SVEP1: variants seen among roughly 807,000 people sequenced by gnomAD.
The protein encoded by SVEP1 is sushi, von Willebrand factor type A, EGF and pentraxin domain-containing protein 1.
In SVEP1, 164 loss-of-function variants were observed where a neutral mutation model predicts 367.3. That is an observed-to-expected ratio of 0.45 (90% CI 0.39 to 0.51). The LOEUF is 0.51. Among genes scored for constraint, SVEP1 ranks in the 20% least tolerant of loss-of-function variants. The probability of loss-of-function intolerance (pLI) is 0.00; values close to 1 mark genes in which losing one functional copy is unlikely to be tolerated. For missense variants in SVEP1, 4,117 were observed against 4,425.3 expected (o/e 0.93, Z 1.98); for synonymous variants, 1,666 against 1,611.6 (o/e 1.03, Z -0.81).
intron 36 of SVEP1, among the ~76,000 whole-genome samples, chr9:110,416,740 G>T (rs534598901): frequency 6.6e-6 from 1 of 152,040 alleles, no homozygotes; most frequent in South Asian, 2.1e-4. Context: ...ACAAAGACAA[G>T]TTTTTAAAAA....
At chr9:110,493,823 T>A (rs1829406329) in intron 8 of SVEP1, among the ~76,000 whole-genome samples, 1 of 152,154 alleles carries the variant, frequency 6.6e-6, no homozygotes, top group Admixed American at 6.6e-5. Context: ...TGATGGGTCT[T>A]ACAGGGTTGA....
At chr9:110,379,265 T>C in intron 44 of SVEP1, 82 bp downstream of exon 44, 1 of 1,447,032 alleles carries the variant, frequency 6.9e-7, no homozygotes, top group Non-Finnish European at 9.4e-7. Context: ...GTAGTATGCA[T>C]ATTAATTGCT....
At chr9:110,500,718 AT>A (rs567420472) in intron 6 of SVEP1, among the ~76,000 whole-genome samples, 2,382 of 152,078 alleles carry the variant, frequency 0.016, 34 homozygotes, top group Middle Eastern at 0.027. Flanking sequence ...AGTTAAATAA[AT>A]TTTTTTTCCC....
At chr9:110,443,025 A>G (rs1644881281) in intron 27 of SVEP1, 1 of 152,240 alleles carries the variant, frequency 6.6e-6, no homozygotes. Flanking sequence ...AGATGTATCC[A>G]GATAGAACAA....
chr9:110,456,456 C>A (rs1828777124), intron 21 of SVEP1, among the ~76,000 whole-genome samples: 1 of 152,114 alleles, frequency 6.6e-6, no homozygotes, highest in African/African-American at 2.4e-5. Flanking sequence ...TTATAAAAAT[C>A]CACAGAGACA....
intron 41 of SVEP1, among the ~76,000 whole-genome samples, chr9:110,387,692 G>A (rs1351045513): frequency 6.6e-6 from 1 of 152,114 alleles, no homozygotes. Context: ...CTGTCTTTAT[G>A]TATTATTAAT....
At position 110,483,547 on chromosome 9, in the gene SVEP1, A is replaced by T. The variant is rs191786036; in HGVS notation, c.2038+39T>A. On this transcript the variant is annotated intron_variant, in intron 10 of 47. Coordinates refer to ENST00000374469, the MANE Select transcript of SVEP1 (RefSeq NM_153366.4). Reference sequence around the variant, plus strand: ...AGCTTTTTAAAATAAAAAAGAATTCATTGCTACTATGCTGACAACAAAGTC... The same window carrying T: ...AGCTTTTTAAAATAAAAAAGAATTCTTTGCTACTATGCTGACAACAAAGTC... 2.1e-4 allele frequency: 303 copies of T among 1,463,648 alleles called. No homozygotes were observed. The East Asian group carries it at 6.3e-3, about 30-fold the overall frequency. The allele number at this position is 1,463,648 out of a possible 1,614,324, so 90.7% of individuals were successfully genotyped here.
chr9:110,491,590 G>GGGGTGTGTGTGT (rs76905358), intron 8 of SVEP1, among the ~76,000 whole-genome samples: 3,735 of 147,798 alleles, frequency 0.025, 152 homozygotes, highest in African/African-American at 0.088. Flanking sequence ...TATAGAATGG[G>GGGGTGTGTGTGT]GTGTGTGTGT....
intron 40 of SVEP1, among the ~76,000 whole-genome samples, chr9:110,394,664 G>C (rs1179330940): frequency 6.6e-6 from 1 of 152,232 alleles, no homozygotes; most frequent in East Asian, 1.9e-4. Context: ...TAAAGGACCT[G>C]ATGGAGCTGA....
At position 110,457,165 on chromosome 9, in the gene SVEP1, G is replaced by A. The variant is rs77917371; in HGVS notation, c.3673+91C>T. ...TTTACATGGTCTAATGTATCTTATCGGATATAGTTAATGTACTAAAGTTTG... is the reference window on the plus strand; with the variant it reads ...TTTACATGGTCTAATGTATCTTATCAGATATAGTTAATGTACTAAAGTTTG... On this transcript the variant is annotated intron_variant, in intron 21 of 47. Coordinates refer to ENST00000374469, the MANE Select transcript of SVEP1 (RefSeq NM_153366.4). The A allele has an allele frequency of 4.8e-3, 4,903 of 1,030,146 alleles. 19 individuals are homozygous for A. The highest frequency in any genetic ancestry group is 6.0e-3 in the Non-Finnish European group (4,373 of 723,744). The allele number at this position is 1,030,146 out of a possible 1,614,324, so 63.8% of individuals were successfully genotyped here.
intron 1 of SVEP1, among the ~76,000 whole-genome samples, chr9:110,564,070 A>C (rs758778573): frequency 1.6e-4 from 24 of 152,206 alleles, no homozygotes; most frequent in Non-Finnish European, 3.1e-4. Context: ...CATGGTCCTC[A>C]GTGAAAGTGG....
At chr9:110,504,294 T>C (rs1384239713) in intron 5 of SVEP1, among the ~76,000 whole-genome samples, 1 of 151,982 alleles carries the variant, frequency 6.6e-6, no homozygotes, top group Non-Finnish European at 1.5e-5. Context: ...TCTCCTGACC[T>C]TGTGATCCGC....
chr9:110,372,966 G>C (rs549348270), intron 46 of SVEP1, among the ~76,000 whole-genome samples: 5 of 152,304 alleles, frequency 3.3e-5, no homozygotes, highest in African/African-American at 4.8e-5. Context: ...AGTCTGGAGG[G>C]ACATGGAGAC....
intron 12 of SVEP1, among the ~76,000 whole-genome samples, chr9:110,480,639 A>AT (rs1006449637): frequency 1.1e-4 from 17 of 151,470 alleles, no homozygotes; most frequent in African/African-American, 2.9e-4. Flanking sequence ...TTTTTTCTCT[A>AT]TTTTTTTTGT....
chr9:110,430,889 G>A (rs1828340946), intron 32 of SVEP1, among the ~76,000 whole-genome samples: 1 of 152,132 alleles, frequency 6.6e-6, no homozygotes, highest in Non-Finnish European at 1.5e-5. Context: ...TAGAGTATGG[G>A]CTCTGGGCTC....
At chr9:110,427,126 T>C (rs934286565) in intron 36 of SVEP1, among the ~76,000 whole-genome samples, 50 of 151,824 alleles carry the variant, frequency 3.3e-4, no homozygotes, top group African/African-American at 1.2e-3. Flanking sequence ...GGTGAAACCC[T>C]GTCTCTACTA....
At chr9:110,572,767 G>T (rs35256602) in intron 1 of SVEP1, among the ~76,000 whole-genome samples, 20,376 of 125,208 alleles carry the variant, frequency 0.16, 2,069 homozygotes, top group East Asian at 0.45. Context: ...GGGTGACAGA[G>T]GGTGACCCTC....
At chr9:110,457,699 C>T (rs1232792732) in intron 20 of SVEP1, among the ~76,000 whole-genome samples, 2 of 152,194 alleles carry the variant, frequency 1.3e-5, no homozygotes, top group Non-Finnish European at 2.9e-5. Flanking sequence ...ACATTACTGT[C>T]TTAAAAACTT....
chr9:110,429,829 T>G, intron 34 of SVEP1, 91 bp downstream of exon 34: 1 of 1,067,348 alleles, frequency 9.4e-7, no homozygotes, highest in Non-Finnish European at 1.4e-6. Flanking sequence ...TCCTCTGCAA[T>G]TATTTTCCCA....
Sources: gnomAD v4.1 joint callset for allele counts (sites outside exome capture counted in the v4.1 genomes callset) on GRCh38, gnomAD v4.1.1 for gene constraint, MANE v1.5 for transcripts, NCBI Gene and HGNC (gene_info 2026-07-23, HGNC 2026-07-21) for gene names.